Variants in TANGO6 observed in about 807,000 individuals in gnomAD.
TANGO6 encodes transport and Golgi organization protein 6 homolog.
Under a neutral mutation model 114.2 loss-of-function variants are expected in TANGO6, and 90 were observed. That is an observed-to-expected ratio of 0.79 (90% CI 0.66 to 0.94). The LOEUF (loss-of-function observed/expected upper bound fraction) is 0.94, where lower values mean the gene tolerates loss of function less well. Ranked by LOEUF, TANGO6 falls within the 40% of genes least tolerant of loss-of-function variation. TANGO6 has a pLI of 0.00. For missense variants in TANGO6, 1,274 were observed against 1,315.3 expected (o/e 0.97, Z 0.49); for synonymous variants, 477 against 509.8 (o/e 0.94, Z 0.87).
intron 14 of TANGO6, among the ~76,000 whole-genome samples, chr16:68,972,713 A>G (rs1171807805): frequency 2.0e-5 from 3 of 152,226 alleles, no homozygotes; most frequent in Non-Finnish European, 2.9e-5. Flanking sequence ...GAGAGCAGAC[A>G]ATAAGGAAAT....
At position 68,919,108 on chromosome 16, in the gene TANGO6, A is replaced by T. The variant is rs760730449; in HGVS notation, c.2016A>T (p.Thr672=). 6.2e-7 allele frequency: 1 copy of T among 1,613,314 alleles called. No individual in the cohort carries two copies. Among genetic ancestry groups the T allele is most frequent in the South Asian group, 1.1e-5 (1 of 90,908 alleles). ...VTQVVDFVAA[T]LQRACASLAH... Reference sequence around the variant, plus strand: ...AGGTGGTGGACTTTGTAGCAGCAACATTGCAGAGAGCCTGTGCAAGCCTGG... The same window carrying T: ...AGGTGGTGGACTTTGTAGCAGCAACTTTGCAGAGAGCCTGTGCAAGCCTGG... Residue 672 remains threonine (T), a synonymous_variant, in exon 12 of 18, where the codon ACA becomes ACT. Transcript: ENST00000261778.
intron 14 of TANGO6, among the ~76,000 whole-genome samples, chr16:68,931,794 G>T (rs1327910024): frequency 2.0e-5 from 3 of 152,074 alleles, no homozygotes; most frequent in Non-Finnish European, 4.4e-5. Context: ...CTTCTTTTTG[G>T]GGTGATGAAA....
Position 68,860,408 on chromosome 16 carries a change from C to G in TANGO6, c.619C>G (p.Gln207Glu), listed in dbSNP as rs1392156984. The G allele has an allele frequency of 6.2e-7, 1 of 1,613,980 alleles. No homozygotes were observed. ...TSCKALLNVA[Q>E]HTSLGSLIFC... ...CTGCAAGGCCCTTCTGAATGTTGCT[C>G]AGCACACATCTCTGGGGAGCTTGAT... The change falls in exon 2 of 18, where the codon CAG becomes GAG. Residue 207 changes from glutamine to glutamate, a missense_variant. Around this residue, in one of 5 missense-constraint regions of TANGO6, gnomAD observed 908 missense variants for 910.2 expected, o/e 1.00. Transcript: ENST00000261778.
intron 17 of TANGO6, among the ~76,000 whole-genome samples, chr16:69,047,234 T>C (rs1175978714): frequency 6.7e-6 from 1 of 149,500 alleles, no homozygotes; most frequent in Non-Finnish European, 1.5e-5. Flanking sequence ...CTCACAACTA[T>C]AATCCCAGCA....
At chr16:69,057,939 A>C (rs1029905726) in intron 17 of TANGO6, among the ~76,000 whole-genome samples, 1 of 152,144 alleles carries the variant, frequency 6.6e-6, no homozygotes, top group African/African-American at 2.4e-5. Context: ...AACTTCCCAC[A>C]ATGTACACAG....
At chr16:68,872,939 G>A (rs1038109827) in intron 4 of TANGO6, among the ~76,000 whole-genome samples, 1 of 151,760 alleles carries the variant, frequency 6.6e-6, no homozygotes, top group Admixed American at 6.6e-5. Context: ...CTGACCTCAG[G>A]TGATCCACCT....
chr16:69,061,059 G>A (rs944279247), intron 17 of TANGO6, among the ~76,000 whole-genome samples: 1 of 151,928 alleles, frequency 6.6e-6, no homozygotes, highest in Non-Finnish European at 1.5e-5. Flanking sequence ...CTAGTATTCA[G>A]GTTTCCCAAG....
intron 15 of TANGO6, among the ~76,000 whole-genome samples, chr16:69,009,044 A>C (rs576374148): frequency 1.3e-5 from 2 of 150,684 alleles, no homozygotes; most frequent in African/African-American, 4.9e-5. Context: ...GTTAAAAACC[A>C]ATTGAACATA....
chr16:68,919,939 C>T (rs779635126), intron 12 of TANGO6, among the ~76,000 whole-genome samples: 12 of 151,904 alleles, frequency 7.9e-5, no homozygotes, highest in Non-Finnish European at 1.3e-4. Context: ...CCCAGCTACT[C>T]GGGAGGCTGA....
chr16:68,932,141 A>C (rs1963250715), intron 14 of TANGO6, among the ~76,000 whole-genome samples: 1 of 151,820 alleles, frequency 6.6e-6, no homozygotes, highest in African/African-American at 2.4e-5. Flanking sequence ...CCCAGACTGG[A>C]GTGCAATGGC....
At chr16:68,945,866 A>G (rs1869737109) in intron 14 of TANGO6, among the ~76,000 whole-genome samples, 1 of 152,080 alleles carries the variant, frequency 6.6e-6, no homozygotes, top group Non-Finnish European at 1.5e-5. Flanking sequence ...TTGTATTTTT[A>G]GTAGAGACAG....
chr16:68,927,490 A>C, intron 12 of TANGO6, 78 bp from the exon 13 acceptor site: 7 of 1,496,920 alleles, frequency 4.7e-6, no homozygotes, highest in Non-Finnish European at 6.3e-6. Flanking sequence ...TTTTCTCAGA[A>C]TATGTTTCCT....
Position 68,900,556 on chromosome 16 carries a change from C to G in TANGO6, c.1490+10C>G. 6.4e-7 allele frequency: 1 copy of G among 1,573,688 alleles called. No individual in the cohort carries two copies. The highest frequency in any genetic ancestry group is 1.1e-5 in the South Asian group (1 of 87,486). On this transcript the variant is annotated intron_variant, in intron 8 of 17. Transcript: ENST00000261778. ...GTGTGTCTCACATAAGGTAAACAAT[C>G]AAGGGACCCTTATTTGTTTATAAAT...
chr16:69,056,902 G>C (rs1235099834), intron 17 of TANGO6, among the ~76,000 whole-genome samples: 1 of 150,990 alleles, frequency 6.6e-6, no homozygotes, highest in Non-Finnish European at 1.5e-5. Flanking sequence ...GGATGGTCTC[G>C]ATCTCCTGAC....
Position 68,962,971 on chromosome 16 carries a change from G to A in TANGO6, c.2702-11057G>A, listed in dbSNP as rs369695345. Reference sequence around the variant, plus strand: ...TAGCCTGGCATGGTGGCGGGCGCCCGTAGTCCCAGTCACTCGGGAGGCTGA... The same window carrying A: ...TAGCCTGGCATGGTGGCGGGCGCCCATAGTCCCAGTCACTCGGGAGGCTGA... On this transcript the variant is annotated intron_variant, in intron 14 of 17. Transcript: ENST00000261778. 1.6e-3 allele frequency among the ~76,000 whole-genome samples: 226 copies of A among 145,612 alleles called. 2 individuals carry two copies. Among genetic ancestry groups the A allele is most frequent in the African/African-American group, 5.2e-3 (204 of 39,424 alleles).
intron 15 of TANGO6, among the ~76,000 whole-genome samples, chr16:69,004,316 C>T (rs140337146): frequency 3.4e-4 from 52 of 151,764 alleles, no homozygotes; most frequent in African/African-American, 1.1e-3. Context: ...ACAAACTCAC[C>T]GTTTCATAAA....
chr16:68,944,576 G>A (rs544117303), intron 14 of TANGO6, among the ~76,000 whole-genome samples: 1 of 152,178 alleles, frequency 6.6e-6, no homozygotes, highest in South Asian at 2.1e-4. Flanking sequence ...AAACAAAACA[G>A]AACTTTACCC....
chr16:68,981,370 C>T (rs1963834978), intron 15 of TANGO6, among the ~76,000 whole-genome samples: 2 of 151,894 alleles, frequency 1.3e-5, no homozygotes, highest in South Asian at 4.1e-4. Context: ...ACCACGACAC[C>T]TGGCTAATTT....
chr16:69,025,159 A>C (rs1472225487), intron 16 of TANGO6, among the ~76,000 whole-genome samples: 1 of 152,222 alleles, frequency 6.6e-6, no homozygotes, highest in East Asian at 1.9e-4. Flanking sequence ...TCACTTGGCC[A>C]TGCTGGCGTG....
Sources: allele counts gnomAD v4.1 joint callset (sites outside exome capture counted in the v4.1 genomes callset), GRCh38; gene constraint gnomAD v4.1.1; regional missense constraint gnomAD v4.1.1; transcripts MANE v1.5; gene names NCBI Gene and HGNC (gene_info 2026-07-23, HGNC 2026-07-21).